Variants in LRRIQ1 observed in about 807,000 individuals in gnomAD.
LRRIQ1 encodes leucine rich repeats and IQ motif containing 1.
LRRIQ1 carries 210 observed loss-of-function variants against 211.9 expected under a neutral mutation model. The ratio of observed to expected loss-of-function variants is 0.99; its 90% CI spans 0.89 to 1.11. The LOEUF is 1.11. LRRIQ1 is among the 50% of genes most tolerant of loss of function. LRRIQ1 has a pLI of 0.00. For missense variants in LRRIQ1, 2,136 were observed against 1,939.5 expected, an observed-to-expected ratio of 1.10 and a Z score of -1.90; for synonymous variants, 699 against 650.1, an observed-to-expected ratio of 1.08 and a Z score of -1.14.
intron 13 of LRRIQ1, among the ~76,000 whole-genome samples, chr12:85,102,890 G>A (rs574222724): frequency 7.1e-6 from 1 of 140,896 alleles, no homozygotes; most frequent in Admixed American, 7.5e-5. Context: ...AGCATATTTT[G>A]AACAGCTATG....
intron 11 of LRRIQ1, among the ~76,000 whole-genome samples, chr12:85,089,427 T>C (rs2136219260): frequency 6.6e-6 from 1 of 152,312 alleles, no homozygotes; most frequent in Middle Eastern, 3.4e-3. Flanking sequence ...AGTTTGGAAC[T>C]TATTGGAGCC....
At chr12:85,237,340 C>G (rs1236610196) in intron 26 of LRRIQ1, among the ~76,000 whole-genome samples, 2 of 151,928 alleles carry the variant, frequency 1.3e-5, no homozygotes, top group African/African-American at 4.8e-5. Flanking sequence ...GAAGGGAAGC[C>G]TAAAGAGAGC....
chr12:85,173,622 C>T (rs1565883911), intron 24 of LRRIQ1, among the ~76,000 whole-genome samples: 1 of 151,266 alleles, frequency 6.6e-6, no homozygotes, highest in South Asian at 2.1e-4. Flanking sequence ...ATCTCTCATA[C>T]ACACACACAC....
intron 6 of LRRIQ1, among the ~76,000 whole-genome samples, chr12:85,051,486 T>G (rs956034100): frequency 4.6e-5 from 7 of 152,242 alleles, no homozygotes; most frequent in Admixed American, 1.3e-4. Flanking sequence ...ATTATTTTCC[T>G]AGCTCAAAAT....
At chr12:85,244,743 C>T in intron 26 of LRRIQ1, 46 bp from the exon 27 acceptor site, 1 of 1,537,998 alleles carries the variant, frequency 6.5e-7, no homozygotes, top group East Asian at 2.3e-5. Flanking sequence ...CAGAAAATGC[C>T]ATATTTTGTT....
intron 11 of LRRIQ1, among the ~76,000 whole-genome samples, chr12:85,091,532 T>C (rs1885392317): frequency 6.6e-6 from 1 of 152,130 alleles, no homozygotes; most frequent in Admixed American, 6.5e-5. Context: ...TTGTTGTTGT[T>C]GTTGTTGCAA....
At chr12:85,229,482 AAAT>A (rs751866071) in intron 24 of LRRIQ1, 32 bp from the exon 25 acceptor site, 11 of 1,548,254 alleles carry the variant, frequency 7.1e-6, no homozygotes, top group African/African-American at 1.4e-5. Flanking sequence ...TGGTCTCTTT[AAAT>A]AATAAGTACA....
At chr12:85,148,595 G>T (rs1250740405) in intron 19 of LRRIQ1, among the ~76,000 whole-genome samples, 1 of 151,858 alleles carries the variant, frequency 6.6e-6, no homozygotes, top group African/African-American at 2.4e-5. Flanking sequence ...ATTATAAATA[G>T]TGCTGCAGTA....
At chr12:85,250,259 A>G (rs1023895380) in intron 1 of LRRIQ1, among the ~76,000 whole-genome samples, 41 of 151,914 alleles carry the variant, frequency 2.7e-4, no homozygotes, top group African/African-American at 9.9e-4. Context: ...TATTTAGTAG[A>G]CATTCGACAT....
At chr12:85,153,198 C>A in intron 21 of LRRIQ1, 53 bp downstream of exon 21, 1 of 1,446,126 alleles carries the variant, frequency 6.9e-7, no homozygotes, top group Non-Finnish European at 9.4e-7. Flanking sequence ...AACAGTATTA[C>A]ATATCATACA....
intron 11 of LRRIQ1, among the ~76,000 whole-genome samples, chr12:85,094,855 C>T (rs941363230): frequency 4.0e-5 from 6 of 151,352 alleles, no homozygotes; most frequent in Admixed American, 2.0e-4. Flanking sequence ...TAGGTGTGTA[C>T]GTGTGTGTTT....
intron 1 of LRRIQ1, among the ~76,000 whole-genome samples, chr12:85,257,693 T>A (rs2137324824): frequency 6.6e-6 from 1 of 151,982 alleles, no homozygotes; most frequent in Non-Finnish European, 1.5e-5. Context: ...ACAGGCCACA[T>A]GAGGAAAAGT....
chr12:85,226,652 G>T lies in LRRIQ1; in HGVS notation c.4823-2865G>T, dbSNP rs374385346. Among the ~76,000 whole-genome samples the T allele has an allele frequency of 7.3e-3, 1,076 of 147,994 alleles. 18 individuals are homozygous for T. Among genetic ancestry groups the T allele is most frequent in the African/African-American group, 0.026 (1,026 of 39,654 alleles). ...CCCATTAACTCGTCATTTACATTAG[G>T]TATATCTCCTAATGCCATCCCTCCC... On this transcript the variant is annotated intron_variant, in intron 24 of 26. Coordinates refer to ENST00000393217, the MANE Select transcript of LRRIQ1 (RefSeq NM_001079910.2).
At chr12:85,198,644 T>C (rs1212276591) in intron 24 of LRRIQ1, among the ~76,000 whole-genome samples, 4 of 151,812 alleles carry the variant, frequency 2.6e-5, no homozygotes. Flanking sequence ...CTCAGCTCAC[T>C]GCAAGCTCCG....
the LRRIQ1 span, among the ~76,000 whole-genome samples, chr12:85,270,278 G>T: frequency 4.4e-3 from 674 of 152,136 alleles, 2 homozygotes; most frequent in African/African-American, 0.015. Context: ...ATTTTAAAAG[G>T]TAACTGTACT....
rs1315586244 is a variant in LRRIQ1 at position 85,052,225 on chromosome 12, T to C, written c.727T>C (p.Trp243Arg). The C allele has an allele frequency of 1.3e-6, 2 of 1,560,834 alleles. No individual in the cohort carries two copies. Among genetic ancestry groups the C allele is most frequent in the Non-Finnish European group, 1.7e-6 (2 of 1,144,350 alleles). Reference protein sequence around the residue: ...NDELYKEEKIWKEKFKQHEEY... With the variant: ...NDELYKEEKIRKEKFKQHEEY... ...TGAACTCTATAAAGAAGAGAAAATTTGGAAAGAGAAATTTAAACAGCATGA... is the reference window on the plus strand; with the variant it reads ...TGAACTCTATAAAGAAGAGAAAATTCGGAAAGAGAAATTTAAACAGCATGA... The change falls in exon 7 of 27, where the codon TGG becomes CGG. Residue 243 changes from tryptophan (W) to arginine (R), a missense_variant. Physicochemically the swap from Trp to Arg is moderately radical, Grantham distance 101 (BLOSUM62 -3). Transcript: ENST00000393217.
intron 15 of LRRIQ1, among the ~76,000 whole-genome samples, chr12:85,112,893 T>C (rs1887287695): frequency 6.6e-6 from 1 of 152,168 alleles, no homozygotes; most frequent in African/African-American, 2.4e-5. Context: ...TTTTCTTGCC[T>C]CTTATTTAAT....
chr12:85,252,017 T>C (rs1005660709), intron 1 of LRRIQ1, among the ~76,000 whole-genome samples: 3 of 152,068 alleles, frequency 2.0e-5, no homozygotes, highest in African/African-American at 7.2e-5. Flanking sequence ...TCTCTAATTA[T>C]TGTAGCTCAG....
chr12:85,250,859 A>T (rs182645598), intron 1 of LRRIQ1, among the ~76,000 whole-genome samples: 12 of 47,352 alleles, frequency 2.5e-4, no homozygotes, highest in Admixed American at 5.7e-4. Context: ...TATAATATAT[A>T]TTATAGATTA....
Sources: gnomAD v4.1 joint callset for allele counts (sites outside exome capture counted in the v4.1 genomes callset) on GRCh38, gnomAD v4.1.1 for gene constraint, MANE v1.5 for transcripts, NCBI Gene and HGNC (gene_info 2026-07-23, HGNC 2026-07-21) for gene names.